The following SLC24A2 variants were observed in gnomAD, a reference collection of about 807,000 sequenced individuals.
The protein encoded by SLC24A2 is sodium/potassium/calcium exchanger 2.
In SLC24A2, 36 loss-of-function variants were observed where a neutral mutation model predicts 62.0. That is an observed-to-expected ratio of 0.58 (90% CI 0.44 to 0.77). The LOEUF is 0.77. Ranked by LOEUF, SLC24A2 falls within the 30% of genes least tolerant of loss-of-function variation. The pLI is 0.00. For synonymous variants in SLC24A2, 358 were observed against 294.0 expected, an observed-to-expected ratio of 1.22 and a Z score of -2.23; for missense variants, 846 against 817.9, an observed-to-expected ratio of 1.03 and a Z score of -0.42.
chr9:19,918,313 T>C, the SLC24A2 span, among the ~76,000 whole-genome samples: 1 of 151,176 alleles, frequency 6.6e-6, no homozygotes, highest in Non-Finnish European at 1.5e-5. Flanking sequence ...TGTTATATTA[T>C]GAAAGACTGG....
the SLC24A2 span, among the ~76,000 whole-genome samples, chr9:20,052,830 T>A: frequency 6.6e-6 from 1 of 152,208 alleles, no homozygotes; most frequent in Non-Finnish European, 1.5e-5. Flanking sequence ...TAGGACTTGA[T>A]GTTGTTTATT....
chr9:20,038,923 A>G, the SLC24A2 span, among the ~76,000 whole-genome samples: 3 of 152,192 alleles, frequency 2.0e-5, no homozygotes, highest in Non-Finnish European at 2.9e-5. Flanking sequence ...GTTTCGTAAA[A>G]TTTTTTTAAA....
the SLC24A2 span, among the ~76,000 whole-genome samples, chr9:20,219,200 T>A: frequency 1.0e-3 from 153 of 152,284 alleles, 1 homozygote; most frequent in African/African-American, 3.6e-3. Context: ...TGGCAGAGGC[T>A]GTGGAGAAGG....
intron 2 of SLC24A2, among the ~76,000 whole-genome samples, chr9:19,695,314 C>T (rs1269663734): frequency 6.6e-6 from 1 of 152,054 alleles, no homozygotes; most frequent in Admixed American, 6.5e-5. Context: ...CCCATGCCTC[C>T]ATTACTCACA....
the SLC24A2 span, among the ~76,000 whole-genome samples, chr9:19,924,095 T>C: frequency 6.6e-6 from 1 of 152,214 alleles, no homozygotes. Flanking sequence ...CACTCCGTTA[T>C]GCCACCGTCA....
the SLC24A2 span, among the ~76,000 whole-genome samples, chr9:20,217,604 GC>G: frequency 6.6e-6 from 1 of 152,108 alleles, no homozygotes; most frequent in African/African-American, 2.4e-5. Context: ...GCACACACAG[GC>G]CATGATAAAA....
the SLC24A2 span, among the ~76,000 whole-genome samples, chr9:20,091,955 G>A: frequency 6.6e-6 from 1 of 152,190 alleles, no homozygotes; most frequent in Non-Finnish European, 1.5e-5. Context: ...CATGGATGGA[G>A]CTGGAGGACA....
chr9:20,045,467 T>G, the SLC24A2 span, among the ~76,000 whole-genome samples: 11 of 152,160 alleles, frequency 7.2e-5, no homozygotes, highest in Admixed American at 7.2e-4. Flanking sequence ...AGTCTCGCAC[T>G]GTCGCCCGGG....
At chr9:20,165,723 G>C in the SLC24A2 span, among the ~76,000 whole-genome samples, 1 of 151,652 alleles carries the variant, frequency 6.6e-6, no homozygotes, top group African/African-American at 2.4e-5. Context: ...CTATAACTTG[G>C]GTAAAGGAAA....
intron 1 of SLC24A2, chr9:19,788,606 G>A: frequency 4.1e-6 from 4 of 985,450 alleles, no homozygotes; most frequent in South Asian, 9.4e-5. Flanking sequence ...TAGGTGGCTG[G>A]GGAATGGAAG....
intron 4 of SLC24A2, among the ~76,000 whole-genome samples, chr9:19,615,908 C>A (rs1282706893): frequency 6.6e-6 from 1 of 151,834 alleles, no homozygotes; most frequent in East Asian, 1.9e-4. Flanking sequence ...CAAGCCCTAC[C>A]AGAAACTGAA....
the SLC24A2 span, among the ~76,000 whole-genome samples, chr9:19,915,119 GC>G: frequency 6.6e-6 from 1 of 151,950 alleles, no homozygotes; most frequent in Non-Finnish European, 1.5e-5. Context: ...CCTGCCCTTG[GC>G]AACTACTTTT....
At chr9:19,779,825 C>T (rs576796339) in intron 2 of SLC24A2, among the ~76,000 whole-genome samples, 6 of 152,228 alleles carry the variant, frequency 3.9e-5, no homozygotes, top group South Asian at 4.2e-4. Flanking sequence ...TTTGGGAGGC[C>T]GAGGTGGGAG....
the SLC24A2 span, among the ~76,000 whole-genome samples, chr9:20,253,731 G>A: frequency 6.6e-6 from 1 of 152,184 alleles, no homozygotes; most frequent in Non-Finnish European, 1.5e-5. Context: ...GTAGCAGAGA[G>A]ATTAACTGGA....
the SLC24A2 span, among the ~76,000 whole-genome samples, chr9:20,152,483 G>A: frequency 6.6e-6 from 1 of 151,830 alleles, no homozygotes; most frequent in Non-Finnish European, 1.5e-5. Flanking sequence ...GAGTTTGCAG[G>A]CAAATGGAAA....
the SLC24A2 span, among the ~76,000 whole-genome samples, chr9:19,985,588 T>C: frequency 6.6e-6 from 1 of 152,174 alleles, no homozygotes; most frequent in Non-Finnish European, 1.5e-5. Context: ...GAGAGGTTAC[T>C]GACTATTATA....
chr9:20,071,605 C>G, the SLC24A2 span, among the ~76,000 whole-genome samples: 11 of 152,238 alleles, frequency 7.2e-5, no homozygotes, highest in African/African-American at 2.4e-4. Flanking sequence ...TCAGGAAAAA[C>G]TCTCTCAAAC....
chr9:19,728,866 C>G (rs544622082), intron 2 of SLC24A2, among the ~76,000 whole-genome samples: 1 of 152,128 alleles, frequency 6.6e-6, no homozygotes, highest in African/African-American at 2.4e-5. Context: ...GAGGCTGAGA[C>G]TAAAAAGCCA....
the SLC24A2 span, among the ~76,000 whole-genome samples, chr9:20,303,029 A>G: frequency 6.6e-6 from 1 of 152,148 alleles, no homozygotes; most frequent in Admixed American, 6.6e-5. Context: ...CCATCCCCAA[A>G]AGTACCACTT....
Sources: gnomAD v4.1 joint callset for allele counts (sites outside exome capture counted in the v4.1 genomes callset) on GRCh38, gnomAD v4.1.1 for gene constraint, MANE v1.5 for transcripts, NCBI Gene and HGNC (gene_info 2026-07-23, HGNC 2026-07-21) for gene names.